The following FBXW10 variants were observed in gnomAD, a reference collection of about 807,000 sequenced individuals.
FBXW10 encodes F-box and WD repeat domain containing 10.
In FBXW10, 68 loss-of-function variants were observed where a neutral mutation model predicts 113.1. The ratio of observed to expected loss-of-function variants is 0.60; its 90% CI spans 0.49 to 0.74. FBXW10 has a LOEUF of 0.74. Among genes scored for constraint, FBXW10 ranks in the 30% least tolerant of loss-of-function variants. FBXW10 has a pLI of 0.00. For missense variants in FBXW10, 753 were observed against 1,284.5 expected (o/e 0.59, Z 6.32); for synonymous variants, 289 against 481.6 (o/e 0.60, Z 5.24).
Position 18,744,065 on chromosome 17 carries a change from G to A in FBXW10, c.-180G>A, listed in dbSNP as rs534847441. 102 of 898,904 alleles carry A rather than the reference G, an allele frequency of 1.1e-4. No homozygotes were observed. In the African/African-American group the frequency reaches 1.5e-3, roughly 13 times the overall value. The allele number at this position is 898,904 out of a possible 1,614,324, so 55.7% of individuals were successfully genotyped here. On this transcript the variant is annotated 5_prime_UTR_variant, in exon 1 of 14. Transcript: ENST00000395665. ...CTGTACAAAAAGCCAGACTTCTGCT[G>A]GCAGTTACTGAGAGAGATAGGCTTT...
chr17:18,744,420 G>A lies in FBXW10; in HGVS notation c.176G>A (p.Gly59Asp). 2 of 1,613,598 alleles carry A rather than the reference G, an allele frequency of 1.2e-6. No individual in the cohort carries two copies. Among genetic ancestry groups the A allele is most frequent in the South Asian group, 1.1e-5 (1 of 91,058 alleles). ...NDISQRRFLV[G>D]ILKQLNSLYL... ...ATATCACAGAGGAGGTTTCTAGTTG[G>A]CATTCTGAAGCAGTTAAATAGCTTA... The change falls in exon 1 of 14, where the codon GGC becomes GAC. Residue 59 changes from glycine (G) to aspartate (D), a missense_variant. By Grantham distance (94) the Gly-to-Asp change is moderately conservative. Coordinates refer to ENST00000395665, the MANE Select transcript of FBXW10 (RefSeq NM_001267585.2).
intron 12 of FBXW10, among the ~76,000 whole-genome samples, chr17:18,773,688 A>T (rs2035656307): frequency 6.6e-6 from 1 of 152,252 alleles, no homozygotes; most frequent in Non-Finnish European, 1.5e-5. Flanking sequence ...CACACTACAA[A>T]TAGTCAGCTA....
In FBXW10 at chr17:18,773,206, T is replaced by C. The variant is rs559376021; in HGVS notation, c.2278+523T>C. 2.0e-4 allele frequency among the ~76,000 whole-genome samples: 30 copies of C among 152,244 alleles called. No individual in the cohort carries two copies. The South Asian group carries it at 5.8e-3, about 29-fold the overall frequency. On this transcript the variant is annotated intron_variant, in intron 12 of 13. Coordinates refer to ENST00000395665, the MANE Select transcript of FBXW10 (RefSeq NM_001267585.2). ...GCTTGGCTTCCCAAAGTGCTGGGAT[T>C]ACAGGTGTGGGCCACCGTGCCCGGC... is the stretch of plus-strand genomic sequence containing the variant.
chr17:18,754,217 C>T (rs1263384230), intron 5 of FBXW10, among the ~76,000 whole-genome samples: 2 of 151,712 alleles, frequency 1.3e-5, no homozygotes, highest in Non-Finnish European at 2.9e-5. Flanking sequence ...CTTTCCCTTC[C>T]CAATGACTCC....
chr17:18,744,924 G>A, intron 1 of FBXW10, 175 bp downstream of exon 1: 1 of 1,452,204 alleles, frequency 6.9e-7, no homozygotes, highest in South Asian at 1.5e-5. Context: ...GTTTACCAAA[G>A]GAGAAATGAC....
chr17:18,772,821 A>T (rs975265371), intron 12 of FBXW10, 138 bp downstream of exon 12: 1 of 705,448 alleles, frequency 1.4e-6, no homozygotes, highest in African/African-American at 1.8e-5. Flanking sequence ...TATAAATCCT[A>T]ACCCTCCAGG....
chr17:18,758,941 G>A (rs1047848823), intron 7 of FBXW10, among the ~76,000 whole-genome samples: 1 of 152,094 alleles, frequency 6.6e-6, no homozygotes, highest in Non-Finnish European at 1.5e-5. Flanking sequence ...GCTGAGGTGG[G>A]CAGGTCACGA....
intron 9 of FBXW10, among the ~76,000 whole-genome samples, 166 bp downstream of exon 9, chr17:18,767,028 C>T (rs2035510948): frequency 1.3e-5 from 2 of 152,194 alleles, no homozygotes; most frequent in Admixed American, 1.3e-4. Context: ...CATTCAGAGT[C>T]TGTGGAGGGT....
In FBXW10 at chr17:18,744,758, G is replaced by T. The variant is rs370104676; in HGVS notation, c.505+9G>T. ...GGAGAACAATATCTCAGGTAAACAA[G>T]GCCACAGGCAGAGACTAGAGGGCCC... On this transcript the variant is annotated intron_variant, in intron 1 of 13. Transcript: ENST00000395665. 6.8e-4 allele frequency: 1,094 copies of T among 1,611,632 alleles called. No individual in the cohort carries two copies. The highest frequency in any genetic ancestry group is 8.3e-4 in the Non-Finnish European group (974 of 1,178,078).
In FBXW10 at chr17:18,772,451, G is replaced by C; in HGVS notation, c.2046G>C (p.Gln682His). ...CAGAGAGCAATGTTCTCATGTTCCAGTTTGAGCACATAAAGTGGCAGTATG... is the reference window on the plus strand; with the variant it reads ...CAGAGAGCAATGTTCTCATGTTCCACTTTGAGCACATAAAGTGGCAGTATG... ...VNTESNVLMF[Q>H]FEHIKWQYAV... is the part of the protein sequence containing the mutation. The change falls in exon 12 of 14, where the codon CAG becomes CAC. Residue 682 changes from glutamine (Q) to histidine (H), a missense_variant. Gln to His is a conservative substitution (Grantham distance 24, BLOSUM62 0). Coordinates refer to ENST00000395665, the MANE Select transcript of FBXW10 (RefSeq NM_001267585.2). 3 of 1,614,140 alleles carry C rather than the reference G, an allele frequency of 1.9e-6. No individual in the cohort carries two copies. Among genetic ancestry groups the C allele is most frequent in the Non-Finnish European group, 2.5e-6 (3 of 1,179,988 alleles).
At chr17:18,766,233 T>C (rs1405620913) in intron 8 of FBXW10, among the ~76,000 whole-genome samples, 1 of 152,070 alleles carries the variant, frequency 6.6e-6, no homozygotes. Flanking sequence ...CCTTCTTTCA[T>C]TTTGGGGATA....
intron 1 of FBXW10, among the ~76,000 whole-genome samples, chr17:18,747,081 C>A (rs1280767678): frequency 2.0e-5 from 3 of 152,088 alleles, no homozygotes; most frequent in Admixed American, 6.5e-5. Context: ...CCCGCCACCA[C>A]GCCCGGCTAA....
At chr17:18,768,490 G>A (rs954186902) in intron 9 of FBXW10, 44 bp from the exon 10 acceptor site, 1 of 1,605,832 alleles carries the variant, frequency 6.2e-7, no homozygotes, top group Admixed American at 1.7e-5. Flanking sequence ...GGTTCTTGGA[G>A]GAGTCACAGT....
chr17:18,746,451 C>T (rs1245292594), intron 1 of FBXW10, among the ~76,000 whole-genome samples: 1 of 151,944 alleles, frequency 6.6e-6, no homozygotes, highest in Non-Finnish European at 1.5e-5. Flanking sequence ...GTCACCAGTG[C>T]GACCTGACAG....
intron 9 of FBXW10, 132 bp from the exon 10 acceptor site, chr17:18,768,402 C>T: frequency 8.2e-7 from 1 of 1,223,400 alleles, no homozygotes; most frequent in South Asian, 1.5e-5. Context: ...AGGATTAGCT[C>T]AGGTACCTAC....
intron 13 of FBXW10, 81 bp downstream of exon 13, chr17:18,775,273 G>C: frequency 1.1e-6 from 1 of 897,576 alleles, no homozygotes; most frequent in Non-Finnish European, 1.9e-6. Context: ...AAAATCCACA[G>C]CAGGAGATAA....
chr17:18,765,593 G>A (rs1362612783), intron 8 of FBXW10, among the ~76,000 whole-genome samples: 1 of 152,254 alleles, frequency 6.6e-6, no homozygotes, highest in Non-Finnish European at 1.5e-5. Context: ...TGCCATGCAA[G>A]TGTCAACTCT....
chr17:18,776,300 G>T (rs985472558), intron 13 of FBXW10, among the ~76,000 whole-genome samples: 5 of 152,044 alleles, frequency 3.3e-5, no homozygotes, highest in African/African-American at 9.7e-5. Flanking sequence ...CTCTAGCCTG[G>T]GTGACAGAGC....
intron 5 of FBXW10, among the ~76,000 whole-genome samples, chr17:18,753,499 C>T (rs941608978): frequency 2.6e-5 from 4 of 152,124 alleles, no homozygotes; most frequent in African/African-American, 2.4e-5. Flanking sequence ...AGAATTCCCT[C>T]CCAGATTTGA....
Sources: allele counts gnomAD v4.1 joint callset (sites outside exome capture counted in the v4.1 genomes callset), GRCh38; gene constraint gnomAD v4.1.1; transcripts MANE v1.5; gene names NCBI Gene and HGNC (gene_info 2026-07-23, HGNC 2026-07-21).